CDK6: variants seen among roughly 807,000 people sequenced by gnomAD.
The protein encoded by CDK6 is cyclin dependent kinase 6.
CDK6 carries 6 observed loss-of-function variants against 37.1 expected under a neutral mutation model. The observed-to-expected ratio is 0.16, with a 90% confidence interval of 0.09 to 0.32. The LOEUF is 0.32. Ranked by LOEUF, CDK6 falls within the 10% of genes least tolerant of loss-of-function variation. The pLI is 1.00. For synonymous variants in CDK6, 160 were observed against 161.3 expected (o/e 0.99, Z 0.06); for missense variants, 224 against 418.9 (o/e 0.53, Z 4.06).
At chr7:92,721,889 C>T (rs1397255523) in intron 4 of CDK6, among the ~76,000 whole-genome samples, 3 of 152,078 alleles carry the variant, frequency 2.0e-5, no homozygotes, top group Non-Finnish European at 4.4e-5. Flanking sequence ...AGGGTTATAC[C>T]TTAAGATGCC....
rs1795496542 is a variant in CDK6, at chr7:92,608,913, G to C, written c.*6227C>G. The C allele has an allele frequency of 4.3e-6, 1 of 232,792 alleles. No individual in the cohort carries two copies. The highest frequency in any genetic ancestry group is 8.5e-6 in the Non-Finnish European group (1 of 117,820). 14.4% of individuals were successfully genotyped at this position (232,792 alleles called of 1,614,324 possible). ...GGCAGCGCGCCCGGAAGGCTTTCAAGTGGGAATCAAGTTTTGAGCACGAGC... is the reference window on the plus strand; with the variant it reads ...GGCAGCGCGCCCGGAAGGCTTTCAACTGGGAATCAAGTTTTGAGCACGAGC... On this transcript the variant is annotated 3_prime_UTR_variant, in exon 8 of 8. Transcript: ENST00000424848.
chr7:92,701,004 G>A (rs556493286), intron 4 of CDK6, among the ~76,000 whole-genome samples: 1 of 152,334 alleles, frequency 6.6e-6, no homozygotes, highest in Admixed American at 6.5e-5. Context: ...AGAGGCAGAC[G>A]ACAGAGACAA....
chr7:92,764,638 G>T (rs1057106441), intron 3 of CDK6, among the ~76,000 whole-genome samples: 1 of 152,198 alleles, frequency 6.6e-6, no homozygotes, highest in Non-Finnish European at 1.5e-5. Context: ...AGGAAGAACA[G>T]AATGACAGTA....
chr7:92,671,476 G>A lies in CDK6; in HGVS notation c.597C>T (p.Pro199=), dbSNP rs376787863. 51 of 1,580,676 alleles carry A rather than the reference G, an allele frequency of 3.2e-5. No homozygotes were observed. The South Asian group carries it at 4.1e-4, about 13-fold the overall frequency. Residue 199 remains proline (P), a synonymous_variant, in exon 5 of 8, where the codon CCC becomes CCT. Transcript: ENST00000424848. The part of the protein sequence containing the change: ...EVLLQSSYAT[P]VDLWSVGCIF... The stretch of plus-strand genomic sequence containing the variant: ...TGCAGCCAACACTCCAGAGATCCAC[G>A]GGGGTGGCGTAGCTGGACTGGAGCA...
At chr7:92,639,809 A>G (rs993242316) in intron 5 of CDK6, among the ~76,000 whole-genome samples, 4 of 152,200 alleles carry the variant, frequency 2.6e-5, no homozygotes, top group Non-Finnish European at 4.4e-5. Context: ...ACTTACTTTA[A>G]CAGTCATTTC....
intron 2 of CDK6, among the ~76,000 whole-genome samples, chr7:92,780,028 G>T (rs962336075): frequency 5.3e-5 from 8 of 152,032 alleles, no homozygotes; most frequent in African/African-American, 1.9e-4. Flanking sequence ...GTCCAGGCTG[G>T]AGTGCAGTGG....
At chr7:92,749,682 T>C (rs1799144059) in intron 3 of CDK6, among the ~76,000 whole-genome samples, 1 of 152,228 alleles carries the variant, frequency 6.6e-6, no homozygotes, top group Admixed American at 6.5e-5. Flanking sequence ...GGTGGGTGTG[T>C]CCTGTAAGTT....
chr7:92,729,007 G>A (rs997768958), intron 3 of CDK6, among the ~76,000 whole-genome samples: 1 of 152,118 alleles, frequency 6.6e-6, no homozygotes, highest in Non-Finnish European at 1.5e-5. Context: ...TTTCAAAGGT[G>A]AAGTACATTC....
At chr7:92,699,811 A>G (rs1265032150) in intron 4 of CDK6, among the ~76,000 whole-genome samples, 5 of 152,222 alleles carry the variant, frequency 3.3e-5, no homozygotes, top group Admixed American at 1.3e-4. Context: ...TGCGAGGTAG[A>G]CGTAAATAAT....
At chr7:92,650,985 G>A (rs563408669) in intron 5 of CDK6, among the ~76,000 whole-genome samples, 8 of 152,112 alleles carry the variant, frequency 5.3e-5, no homozygotes, top group African/African-American at 1.9e-4. Context: ...TGCCTCCCAG[G>A]TTCAAGTGAT....
intron 5 of CDK6, among the ~76,000 whole-genome samples, chr7:92,665,444 T>A (rs538575580): frequency 6.6e-6 from 1 of 152,220 alleles, no homozygotes; most frequent in South Asian, 2.1e-4. Flanking sequence ...GATAAAAAAA[T>A]GTAGCTCTTA....
At chr7:92,657,003 T>C (rs968682537) in intron 5 of CDK6, among the ~76,000 whole-genome samples, 5 of 152,296 alleles carry the variant, frequency 3.3e-5, no homozygotes, top group East Asian at 3.9e-4. Flanking sequence ...TCTGCATGAC[T>C]GTCCATAAAA....
At chr7:92,722,798 CTG>C (rs753027311) in intron 4 of CDK6, among the ~76,000 whole-genome samples, 25 of 152,200 alleles carry the variant, frequency 1.6e-4, no homozygotes, top group Admixed American at 3.9e-4. Flanking sequence ...AAACAAGGCA[CTG>C]TGTGTTAGGG....
chr7:92,689,598 C>T (rs1797553218), intron 4 of CDK6, among the ~76,000 whole-genome samples: 1 of 152,074 alleles, frequency 6.6e-6, no homozygotes, highest in Non-Finnish European at 1.5e-5. Context: ...TGAACATGCA[C>T]GTGCATGTGT....
chr7:92,817,221 C>CA (rs1399712386), intron 2 of CDK6, among the ~76,000 whole-genome samples: 1 of 151,726 alleles, frequency 6.6e-6, no homozygotes, highest in Non-Finnish European at 1.5e-5. Context: ...GAACAAAAAT[C>CA]AGAGTTATTA....
Position 92,614,661 on chromosome 7 carries a change from A to C in CDK6, c.*479T>G. On this transcript the variant is annotated 3_prime_UTR_variant, in exon 8 of 8. Transcript: ENST00000424848. The stretch of plus-strand genomic sequence containing the variant: ...TTGAATTATTCTTGTCGTTTACAAA[A>C]AGTAACACTTTAAAAGATCACAGAA... 1 of 234,760 alleles carries C rather than the reference A, an allele frequency of 4.3e-6. No homozygotes were observed. Among genetic ancestry groups the C allele is most frequent in the Non-Finnish European group, 8.4e-6 (1 of 119,044 alleles). 14.5% of individuals were successfully genotyped at this position (234,760 alleles called of 1,614,324 possible).
chr7:92,748,874 G>A (rs1799121116), intron 3 of CDK6, among the ~76,000 whole-genome samples: 2 of 152,166 alleles, frequency 1.3e-5, no homozygotes, highest in African/African-American at 4.8e-5. Flanking sequence ...TGCAACTTAA[G>A]ATCAAGTGAG....
chr7:92,692,851 A>G (rs752405311), intron 4 of CDK6, among the ~76,000 whole-genome samples: 10 of 152,200 alleles, frequency 6.6e-5, no homozygotes, highest in South Asian at 2.1e-4. Context: ...TGAATATTAC[A>G]ATAAATTCAT....
At chr7:92,766,105 G>A (rs1799573640) in intron 3 of CDK6, among the ~76,000 whole-genome samples, 1 of 152,106 alleles carries the variant, frequency 6.6e-6, no homozygotes, top group Non-Finnish European at 1.5e-5. Context: ...TATTCTACAG[G>A]TCATGAGAAA....
Sources: allele counts gnomAD v4.1 joint callset (sites outside exome capture counted in the v4.1 genomes callset), GRCh38; gene constraint gnomAD v4.1.1; transcripts MANE v1.5; gene names NCBI Gene and HGNC (gene_info 2026-07-23, HGNC 2026-07-21).